Variants in PHACTR1 observed in about 807,000 individuals in gnomAD.
The protein encoded by PHACTR1 is phosphatase and actin regulator 1, also known as RPEL repeat containing 1.
A neutral mutation model predicts 69.2 loss-of-function variants in PHACTR1; 16 were observed. The ratio of observed to expected loss-of-function variants is 0.23; its 90% CI spans 0.16 to 0.35. PHACTR1 has a LOEUF of 0.35. Ranked by LOEUF, PHACTR1 falls within the 10% of genes least tolerant of loss-of-function variation. The pLI, the probability that PHACTR1 is intolerant of heterozygous loss-of-function variation, is 1.00. For synonymous variants in PHACTR1, 312 were observed against 284.5 expected (o/e 1.10, Z -0.97); for missense variants, 510 against 734.7 (o/e 0.69, Z 3.54).
intron 4 of PHACTR1, among the ~76,000 whole-genome samples, chr6:13,041,871 T>G (rs1042578899): frequency 1.3e-5 from 2 of 152,184 alleles, no homozygotes; most frequent in African/African-American, 2.4e-5. Flanking sequence ...CAACTTTGTG[T>G]GAGTTGCCAC....
chr6:12,819,252 G>C (rs1321413294), intron 4 of PHACTR1, among the ~76,000 whole-genome samples: 2 of 152,090 alleles, frequency 1.3e-5, no homozygotes, highest in Non-Finnish European at 2.9e-5. Flanking sequence ...TGAGATAATG[G>C]GCATTATGTA....
intron 10 of PHACTR1, among the ~76,000 whole-genome samples, chr6:13,235,793 C>G (rs1264982274): frequency 6.6e-6 from 1 of 152,214 alleles, no homozygotes; most frequent in Non-Finnish European, 1.5e-5. Context: ...TGGGACCTCA[C>G]CTAGGGAACG....
At chr6:13,117,835 C>T (rs1269237910) in intron 5 of PHACTR1, among the ~76,000 whole-genome samples, 1 of 152,208 alleles carries the variant, frequency 6.6e-6, no homozygotes, top group African/African-American at 2.4e-5. Context: ...CATCTCCTTT[C>T]CTGTGCTTTT....
chr6:13,078,416 T>G (rs2127790617), intron 5 of PHACTR1, among the ~76,000 whole-genome samples: 1 of 152,316 alleles, frequency 6.6e-6, no homozygotes, highest in African/African-American at 2.4e-5. Context: ...GGGTGATATC[T>G]TCAACAACCC....
chr6:13,261,826 CAGTT>C (rs763707548), intron 10 of PHACTR1, among the ~76,000 whole-genome samples: 2 of 152,094 alleles, frequency 1.3e-5, no homozygotes, highest in Non-Finnish European at 2.9e-5. Context: ...GGATTATTGT[CAGTT>C]AGACAGACAA....
chr6:12,963,900 C>G (rs1205833929), intron 4 of PHACTR1, among the ~76,000 whole-genome samples: 1 of 152,150 alleles, frequency 6.6e-6, no homozygotes, highest in African/African-American at 2.4e-5. Context: ...AGGTTCATAA[C>G]TTGCCCAAAA....
At chr6:12,768,235 C>T (rs754469528) in intron 4 of PHACTR1, among the ~76,000 whole-genome samples, 37 of 151,920 alleles carry the variant, frequency 2.4e-4, no homozygotes, top group Admixed American at 5.9e-4. Context: ...CTGCCTCAGC[C>T]TCCGGAGAAG....
chr6:13,037,881 T>G (rs760752938), intron 4 of PHACTR1, among the ~76,000 whole-genome samples: 8 of 152,174 alleles, frequency 5.3e-5, no homozygotes, highest in Admixed American at 1.3e-4. Context: ...AGAGTTACCT[T>G]TGACCAGTTT....
At chr6:12,922,404 G>A (rs1184344375) in intron 4 of PHACTR1, among the ~76,000 whole-genome samples, 1 of 152,132 alleles carries the variant, frequency 6.6e-6, no homozygotes, top group Non-Finnish European at 1.5e-5. Flanking sequence ...TGCATGCAGT[G>A]TATGGTGCTG....
intron 5 of PHACTR1, among the ~76,000 whole-genome samples, chr6:13,060,581 T>C (rs1407412541): frequency 6.6e-6 from 1 of 152,164 alleles, no homozygotes; most frequent in Non-Finnish European, 1.5e-5. Flanking sequence ...GAAGGGCTAG[T>C]ATCAGAAAAG....
At chr6:12,851,001 C>T (rs891261805) in intron 4 of PHACTR1, among the ~76,000 whole-genome samples, 1 of 152,148 alleles carries the variant, frequency 6.6e-6, no homozygotes, top group African/African-American at 2.4e-5. Flanking sequence ...TAATTAAACC[C>T]ATAACTATAT....
At chr6:12,855,080 A>G (rs1780212830) in intron 4 of PHACTR1, among the ~76,000 whole-genome samples, 2 of 152,250 alleles carry the variant, frequency 1.3e-5, no homozygotes, top group Admixed American at 6.5e-5. Flanking sequence ...AAAAGGACAC[A>G]TGTACTCATA....
intron 4 of PHACTR1, among the ~76,000 whole-genome samples, chr6:13,026,876 C>G (rs986160280): frequency 1.3e-5 from 2 of 151,758 alleles, no homozygotes; most frequent in Admixed American, 1.3e-4. Context: ...CTCTAGACAC[C>G]AGAGTACCTT....
chr6:12,844,766 G>GC (rs1303730196), intron 4 of PHACTR1, among the ~76,000 whole-genome samples: 1 of 152,090 alleles, frequency 6.6e-6, no homozygotes, highest in Non-Finnish European at 1.5e-5. Context: ...AAAAAGAAAA[G>GC]CAAGCAAGCC....
At chr6:12,818,150 G>C (rs1397399762) in intron 4 of PHACTR1, among the ~76,000 whole-genome samples, 3 of 152,152 alleles carry the variant, frequency 2.0e-5, no homozygotes, top group African/African-American at 7.2e-5. Flanking sequence ...GGGGAGCCAG[G>C]TGTGTATCAG....
At chr6:12,916,170 C>T (rs1262564724) in intron 4 of PHACTR1, among the ~76,000 whole-genome samples, 1 of 152,184 alleles carries the variant, frequency 6.6e-6, no homozygotes, top group East Asian at 1.9e-4. Context: ...AAACCACCCT[C>T]CCTCTATGAC....
Position 13,133,230 on chromosome 6 carries a change from CCT to C in PHACTR1, c.416-26970_416-26969del, listed in dbSNP as rs1253973130. Among the ~76,000 whole-genome samples, 160 of 56,612 alleles carry C rather than the reference CCT, an allele frequency of 2.8e-3. 3 individuals carry two copies. Among genetic ancestry groups the C allele is most frequent in the African/African-American group, 0.01 (154 of 14,888 alleles). 37.1% of individuals were successfully genotyped at this position (56,612 alleles called of 152,430 possible). On this transcript the variant is annotated intron_variant, in intron 5 of 14. Transcript: ENST00000332995. ...CCCTCCCCCTCCCCCTCCCCCTCCC[CCT>C]CTCCCTCTCCCTTTCCCTCTCCCTC...
At chr6:12,804,269 C>T (rs916022469) in intron 4 of PHACTR1, among the ~76,000 whole-genome samples, 5 of 152,166 alleles carry the variant, frequency 3.3e-5, no homozygotes, top group Non-Finnish European at 7.3e-5. Context: ...ACAACTCTGC[C>T]TCTTATTCAG....
At chr6:13,171,418 T>C (rs1390854829) in intron 6 of PHACTR1, among the ~76,000 whole-genome samples, 1 of 152,244 alleles carries the variant, frequency 6.6e-6, no homozygotes, top group Non-Finnish European at 1.5e-5. Context: ...AGCATCATTT[T>C]AACCTCTCTG....
Sources: gnomAD v4.1 joint callset for allele counts (sites outside exome capture counted in the v4.1 genomes callset) on GRCh38, gnomAD v4.1.1 for gene constraint, MANE v1.5 for transcripts, NCBI Gene and HGNC (gene_info 2026-07-23, HGNC 2026-07-21) for gene names.